The following MINDY4 variants were observed in gnomAD, a reference collection of about 807,000 sequenced individuals.
MINDY4 encodes the protein probable ubiquitin carboxyl-terminal hydrolase MINDY-4.
A neutral mutation model predicts 87.0 loss-of-function variants in MINDY4; 68 were observed. That is an observed-to-expected ratio of 0.78 (90% CI 0.64 to 0.96). The LOEUF (loss-of-function observed/expected upper bound fraction) is 0.96. Ranked by LOEUF, MINDY4 falls within the 40% of genes least tolerant of loss-of-function variation. MINDY4 has a pLI of 0.00. For missense variants in MINDY4, 919 were observed against 928.2 expected (o/e 0.99, Z 0.13); for synonymous variants, 379 against 363.2 (o/e 1.04, Z -0.50).
At chr7:30,821,146 G>A (rs1281485895) in intron 5 of MINDY4, among the ~76,000 whole-genome samples, 1 of 152,000 alleles carries the variant, frequency 6.6e-6, no homozygotes, top group Non-Finnish European at 1.5e-5. Flanking sequence ...ATTATGTCTG[G>A]TGTTTTAGTT....
chr7:30,829,948 G>A (rs940092106), intron 6 of MINDY4, among the ~76,000 whole-genome samples: 3 of 152,108 alleles, frequency 2.0e-5, no homozygotes, highest in Non-Finnish European at 2.9e-5. Flanking sequence ...GAGGGAGGCC[G>A]ACCCCTCTTT....
chr7:30,890,103 G>A (rs191868933), intron 17 of MINDY4, among the ~76,000 whole-genome samples: 35 of 152,330 alleles, frequency 2.3e-4, no homozygotes, highest in Admixed American at 1.7e-3. Context: ...CAAATGACAC[G>A]GAGGAGGACG....
chr7:30,880,971 T>G (rs1460377048), intron 15 of MINDY4, among the ~76,000 whole-genome samples: 1 of 152,220 alleles, frequency 6.6e-6, no homozygotes, highest in African/African-American at 2.4e-5. Context: ...TGGGAGCTGC[T>G]CACCCACTCT....
At chr7:30,786,811 A>G (rs1182244840) in intron 4 of MINDY4, among the ~76,000 whole-genome samples, 1 of 152,214 alleles carries the variant, frequency 6.6e-6, no homozygotes, top group South Asian at 2.1e-4. Flanking sequence ...TTACAGGGTG[A>G]CCATGGTAGA....
At chr7:30,784,902 C>A (rs1366372420) in intron 3 of MINDY4, among the ~76,000 whole-genome samples, 1 of 152,124 alleles carries the variant, frequency 6.6e-6, no homozygotes, top group African/African-American at 2.4e-5. Context: ...GGGGGCAATA[C>A]CCATTTATGG....
In MINDY4 at chr7:30,828,274, A is replaced by G. The variant is rs78634138; in HGVS notation, c.1074-405A>G. ...GGAAACAAACAAACAAAAAACATAG[A>G]GATGAGATGAACAAATTCTGGGCAA... On this transcript the variant is annotated intron_variant, in intron 5 of 17. Transcript: ENST00000265299. 3.7e-4 allele frequency among the ~76,000 whole-genome samples: 57 copies of G among 152,302 alleles called. 1 individual carries two copies. Among genetic ancestry groups the G allele is most frequent in the Middle Eastern group, 3.4e-3 (1 of 294 alleles).
At chr7:30,809,024 GAA>G (rs748298041) in intron 5 of MINDY4, among the ~76,000 whole-genome samples, 5 of 150,692 alleles carry the variant, frequency 3.3e-5, no homozygotes, top group Non-Finnish European at 7.4e-5. Context: ...ATCAAAGAGA[GAA>G]AGAAAGAAAG....
rs1354391980 is a variant in MINDY4, at chr7:30,882,309, G to A, written c.2100G>A (p.Leu700=). ...RDWRTERLFD[L]YYYDGLANQQ... ...GGAGGACTGAGAGGCTCTTTGACTT[G>A]TACTACTACGATGGCCTGGCCAACC... The change falls in exon 16 of 18, where the codon TTG becomes TTA. Residue 700 remains leucine, a synonymous_variant. Coordinates refer to ENST00000265299, the MANE Select transcript of MINDY4 (RefSeq NM_032222.3). 2 of 1,612,946 alleles carry A rather than the reference G, an allele frequency of 1.2e-6. No individual in the cohort carries two copies. The highest frequency in any genetic ancestry group is 1.7e-4 in the Middle Eastern group (1 of 6,046).
intron 5 of MINDY4, among the ~76,000 whole-genome samples, chr7:30,817,010 AC>A (rs1391995908): frequency 1.1e-4 from 17 of 152,336 alleles, no homozygotes; most frequent in Admixed American, 8.5e-4. Flanking sequence ...CTTCTCGATA[AC>A]CCAACCCTTC....
intron 6 of MINDY4, among the ~76,000 whole-genome samples, chr7:30,834,533 GC>G (rs1426451492): frequency 2.6e-5 from 4 of 152,204 alleles, no homozygotes; most frequent in Non-Finnish European, 5.9e-5. Context: ...CCTCTGACAT[GC>G]CCTGGAGACG....
chr7:30,872,085 C>T (rs138909898), intron 13 of MINDY4, among the ~76,000 whole-genome samples, 158 bp from the exon 14 acceptor site: 10 of 152,338 alleles, frequency 6.6e-5, no homozygotes, highest in African/African-American at 2.4e-4. Context: ...GGGTGGGAGC[C>T]TCCTCCGTGG....
At chr7:30,823,598 C>CT (rs1192867286) in intron 5 of MINDY4, among the ~76,000 whole-genome samples, 1 of 152,116 alleles carries the variant, frequency 6.6e-6, no homozygotes, top group African/African-American at 2.4e-5. Flanking sequence ...ACTGCCCATT[C>CT]TTTTTTCATA....
chr7:30,811,156 G>A (rs549650653), intron 5 of MINDY4, among the ~76,000 whole-genome samples: 4 of 151,516 alleles, frequency 2.6e-5, no homozygotes, highest in East Asian at 1.9e-4. Flanking sequence ...TTCATTCAGC[G>A]GAAAAGGGAT....
chr7:30,873,372 C>T (rs574790148), intron 14 of MINDY4, among the ~76,000 whole-genome samples: 2 of 152,270 alleles, frequency 1.3e-5, no homozygotes, highest in South Asian at 2.1e-4. Flanking sequence ...GGGGCTGGGT[C>T]CCAAGCCCTG....
Position 30,859,339 on chromosome 7 carries a change from C to A in MINDY4, c.1745+15C>A. The A allele has an allele frequency of 1.9e-6, 3 of 1,612,532 alleles. No homozygotes were observed. Among genetic ancestry groups the A allele is most frequent in the Non-Finnish European group, 2.5e-6 (3 of 1,178,816 alleles). On this transcript the variant is annotated intron_variant, in intron 13 of 17. Coordinates refer to ENST00000265299, the MANE Select transcript of MINDY4 (RefSeq NM_032222.3). ...TCTACAGAGCTGTGAGTATCTTTCT[C>A]CCTCAACTCCCTGGGGCTGGGCTGG...
At position 30,836,682 on chromosome 7, in the gene MINDY4, G is replaced by A. The variant is rs905893541; in HGVS notation, c.1157G>A (p.Arg386Lys). The A allele has an allele frequency of 1.2e-6, 2 of 1,614,016 alleles. No individual in the cohort carries two copies. ...GAGGATGTGGAGGATGAGTTGATAAGGGAAGAGGTCATCCTGTCGCCAGTC... is the reference window on the plus strand; with the variant it reads ...GAGGATGTGGAGGATGAGTTGATAAAGGAAGAGGTCATCCTGTCGCCAGTC... ...RLEDVEDELI[R>K]EEVILSPVPS... Residue 386 changes from arginine to lysine, a missense_variant, in exon 7 of 18, where the codon AGG becomes AAG. Arg to Lys is a conservative substitution (Grantham distance 26, BLOSUM62 2). Transcript: ENST00000265299.
intron 6 of MINDY4, among the ~76,000 whole-genome samples, chr7:30,834,825 A>G (rs142117817): frequency 7.9e-5 from 12 of 152,346 alleles, no homozygotes; most frequent in Non-Finnish European, 1.5e-4. Context: ...TCTCTAGGGC[A>G]GAGGCAAAAT....
Position 30,802,633 on chromosome 7 carries a change from A to T in MINDY4, c.1073+11059A>T, listed in dbSNP as rs75346946. 5.2e-3 allele frequency among the ~76,000 whole-genome samples: 785 copies of T among 152,324 alleles called. 9 individuals are homozygous for T. The highest frequency in any genetic ancestry group is 0.018 in the African/African-American group (744 of 41,562). On this transcript the variant is annotated intron_variant, in intron 5 of 17. Coordinates refer to ENST00000265299, the MANE Select transcript of MINDY4 (RefSeq NM_032222.3). Reference sequence around the variant, plus strand: ...GGAAAGTTATGCTAATCTGTCTGTGATAGTATCGTGAAACTTAAAAGTGGT... The same window carrying T: ...GGAAAGTTATGCTAATCTGTCTGTGTTAGTATCGTGAAACTTAAAAGTGGT...
At chr7:30,840,328 G>T (rs1788992424) in intron 8 of MINDY4, among the ~76,000 whole-genome samples, 1 of 152,234 alleles carries the variant, frequency 6.6e-6, no homozygotes. Context: ...ACAGGCTGTT[G>T]AAGGGGCTCA....
Sources: allele counts gnomAD v4.1 joint callset (sites outside exome capture counted in the v4.1 genomes callset), GRCh38; gene constraint gnomAD v4.1.1; transcripts MANE v1.5; gene names NCBI Gene and HGNC (gene_info 2026-07-23, HGNC 2026-07-21).